SMOC2: variants seen among roughly 807,000 people sequenced by gnomAD.
SMOC2 encodes the protein SPARC related modular calcium binding 2.
In SMOC2, 39 loss-of-function variants were observed where a neutral mutation model predicts 61.4. The ratio of observed to expected loss-of-function variants is 0.64; its 90% CI spans 0.49 to 0.83. The LOEUF is 0.83. Ranked by LOEUF, SMOC2 falls within the 40% of genes least tolerant of loss-of-function variation. The pLI is 0.00. For missense variants in SMOC2, 556 were observed against 592.9 expected, an observed-to-expected ratio of 0.94 and a Z score of 0.65; for synonymous variants, 247 against 239.9, an observed-to-expected ratio of 1.03 and a Z score of -0.27.
chr6:168,533,135 C>T (rs936484837), intron 4 of SMOC2, among the ~76,000 whole-genome samples: 7 of 152,204 alleles, frequency 4.6e-5, no homozygotes, highest in Admixed American at 6.5e-5. Context: ...TTCCTCTCTG[C>T]GGTCTGAATT....
intron 1 of SMOC2, among the ~76,000 whole-genome samples, chr6:168,459,247 C>T (rs912813221): frequency 9.2e-5 from 14 of 152,278 alleles, no homozygotes; most frequent in South Asian, 4.1e-4. Flanking sequence ...GGCTCAAAGC[C>T]GGGGCGTGGG....
intron 9 of SMOC2, among the ~76,000 whole-genome samples, chr6:168,622,975 A>G (rs966067319): frequency 6.6e-6 from 1 of 152,176 alleles, no homozygotes; most frequent in Non-Finnish European, 1.5e-5. Flanking sequence ...CTTAGTGCAC[A>G]CTGGGAAGGG....
In SMOC2 at chr6:168,543,746, A is replaced by C. The variant is rs959305377; in HGVS notation, c.511+74A>C. On this transcript the variant is annotated intron_variant, in intron 5 of 12. Coordinates refer to ENST00000356284, the MANE Select transcript of SMOC2 (RefSeq NM_001166412.2). Reference sequence around the variant, plus strand: ...ATCCCGTGAAATAACTTCTCAAGTTAAAGTTGAAACATCCACTAGTGATGA... The same window carrying C: ...ATCCCGTGAAATAACTTCTCAAGTTCAAGTTGAAACATCCACTAGTGATGA... 4.2e-6 allele frequency: 6 copies of C among 1,422,652 alleles called. No homozygotes were observed. The Admixed American group carries it at 9.0e-5, about 21-fold the overall frequency. The allele number at this position is 1,422,652 out of a possible 1,614,324, so 88.1% of individuals were successfully genotyped here.
intron 4 of SMOC2, among the ~76,000 whole-genome samples, chr6:168,534,721 T>G (rs1783693594): frequency 6.6e-6 from 1 of 152,234 alleles, no homozygotes; most frequent in Admixed American, 6.5e-5. Context: ...TCTGCTCCTC[T>G]GTTATACTTT....
rs779620647 is a variant in SMOC2, at chr6:168,553,946, C to A, written c.637+4743C>A. Among the ~76,000 whole-genome samples, 2 of 151,184 alleles carry A rather than the reference C, an allele frequency of 1.3e-5. No individual in the cohort carries two copies. Among genetic ancestry groups the A allele is most frequent in the East Asian group, 3.9e-4 (2 of 5,192 alleles). On this transcript the variant is annotated intron_variant, in intron 7 of 12. Transcript: ENST00000356284. The surrounding 1 kb of genome is among the most constrained non-coding windows in gnomAD (Gnocchi z 4.2). ...GCGTGTGCTGTGCATGGTGCCCCTT[C>A]CCCACCAGGTATCAGCGTTTTTCAC...
intron 2 of SMOC2, among the ~76,000 whole-genome samples, chr6:168,516,376 C>CGAAAA (rs199642857): frequency 1.5e-5 from 2 of 134,090 alleles, no homozygotes; most frequent in South Asian, 4.6e-4. Context: ...ATAGAAAAGC[C>CGAAAA]AAAAAAAAAA....
At chr6:168,556,275 C>A (rs1310104223) in intron 7 of SMOC2, among the ~76,000 whole-genome samples, 1 of 152,210 alleles carries the variant, frequency 6.6e-6, no homozygotes, top group African/African-American at 2.4e-5. Flanking sequence ...ACTCGGGAAC[C>A]AGGGGAAGCT....
intron 8 of SMOC2, among the ~76,000 whole-genome samples, chr6:168,599,983 A>C (rs1469007531): frequency 6.6e-6 from 1 of 150,884 alleles, no homozygotes; most frequent in Non-Finnish European, 1.5e-5. Context: ...CTCCCCACAC[A>C]CACACTCACA....
At chr6:168,554,166 A>G (rs1215902263) in intron 7 of SMOC2, among the ~76,000 whole-genome samples, 1 of 152,218 alleles carries the variant, frequency 6.6e-6, no homozygotes, top group East Asian at 1.9e-4. Context: ...CCCACCAGGT[A>G]TCCGCATCTG....
chr6:168,577,708 T>G (rs1359931872), intron 7 of SMOC2, among the ~76,000 whole-genome samples: 1 of 152,116 alleles, frequency 6.6e-6, no homozygotes, highest in Non-Finnish European at 1.5e-5. Context: ...GTCACGCACT[T>G]TCGAATCTGG....
chr6:168,511,001 T>C (rs1782993839), intron 2 of SMOC2, among the ~76,000 whole-genome samples: 1 of 152,212 alleles, frequency 6.6e-6, no homozygotes, highest in Admixed American at 6.5e-5. Flanking sequence ...CATAACGTTG[T>C]AATGGAGCAG....
chr6:168,509,877 TC>T, intron 1 of SMOC2, 37 bp from the exon 2 acceptor site: 1 of 1,574,608 alleles, frequency 6.4e-7, no homozygotes, highest in South Asian at 1.2e-5. Flanking sequence ...GAAGAATGTG[TC>T]TTTAAATTTG....
rs965875287 is a variant in SMOC2, at chr6:168,600,434, CAAAAAAAAA to C, written c.824+1433_824+1441del. On this transcript the variant is annotated intron_variant, in intron 8 of 12. Coordinates refer to ENST00000356284, the MANE Select transcript of SMOC2 (RefSeq NM_001166412.2). Reference sequence around the variant, plus strand: ...AAAAAAAAAAAAACAAAAAAAAAAACAAAAAAAAAAACAGTAGTTTCAACTGTTGGAAAC... The same window carrying C: ...AAAAAAAAAAAAACAAAAAAAAAAACAACAGTAGTTTCAACTGTTGGAAAC... Among the ~76,000 whole-genome samples the C allele has an allele frequency of 2.0e-4, 5 of 25,370 alleles. 1 individual carries two copies. Among genetic ancestry groups the C allele is most frequent in the Admixed American group, 1.2e-3 (4 of 3,448 alleles). 16.6% of individuals were successfully genotyped at this position (25,370 alleles called of 152,430 possible).
intron 9 of SMOC2, among the ~76,000 whole-genome samples, chr6:168,621,795 G>C (rs572806931): frequency 4.6e-5 from 7 of 152,284 alleles, no homozygotes; most frequent in African/African-American, 1.7e-4. Flanking sequence ...ACCTCCACCT[G>C]GTCCTACCTT....
At chr6:168,485,120 C>A (rs938187697) in intron 1 of SMOC2, among the ~76,000 whole-genome samples, 1 of 151,734 alleles carries the variant, frequency 6.6e-6, no homozygotes, top group African/African-American at 2.4e-5. Flanking sequence ...TGTATTTTAC[C>A]ATAATACAAA....
At chr6:168,545,392 A>G (rs1783970093) in intron 5 of SMOC2, among the ~76,000 whole-genome samples, 1 of 152,184 alleles carries the variant, frequency 6.6e-6, no homozygotes, top group Admixed American at 6.5e-5. Flanking sequence ...CCAGACACAA[A>G]TAAGACACTT....
chr6:168,564,923 A>AT (rs1784509437), intron 7 of SMOC2, among the ~76,000 whole-genome samples: 1 of 152,152 alleles, frequency 6.6e-6, no homozygotes, highest in South Asian at 2.1e-4. Context: ...CCACTGGGTA[A>AT]TTTTTTCCTT....
intron 7 of SMOC2, among the ~76,000 whole-genome samples, chr6:168,557,002 T>C (rs1784268249): frequency 6.6e-6 from 1 of 152,158 alleles, no homozygotes; most frequent in African/African-American, 2.4e-5. Flanking sequence ...GTGGAAATAC[T>C]TCTTTGCTTT....
chr6:168,499,450 C>T (rs1297990283), intron 1 of SMOC2, among the ~76,000 whole-genome samples: 1 of 152,214 alleles, frequency 6.6e-6, no homozygotes, highest in Non-Finnish European at 1.5e-5. Context: ...CGGAGTTTAT[C>T]TGATCTTTTG....
Sources: gnomAD v4.1 joint callset for allele counts (sites outside exome capture counted in the v4.1 genomes callset) on GRCh38, gnomAD v4.1.1 for gene constraint, Gnocchi (gnomAD v3.1) non-coding constraint, MANE v1.5 for transcripts, NCBI Gene and HGNC (gene_info 2026-07-23, HGNC 2026-07-21) for gene names.